The following EMILIN2 variants were observed in gnomAD, a reference collection of about 807,000 sequenced individuals.
EMILIN2 encodes the protein elastin microfibril interfacer 2, also known as EMILIN-2.
In EMILIN2, 71 loss-of-function variants were observed where a neutral mutation model predicts 87.1. The observed-to-expected ratio is 0.82, with a 90% CI of 0.67 to 0.99. The LOEUF is 0.99. Ranked by LOEUF, EMILIN2 falls within the 50% of genes least tolerant of loss-of-function variation. EMILIN2 has a pLI of 0.00. For synonymous variants in EMILIN2, 581 were observed against 563.4 expected (o/e 1.03, Z -0.44); for missense variants, 1,407 against 1,371.8 (o/e 1.03, Z -0.40).
chr18:2,908,303 C>G (rs1431876204), intron 5 of EMILIN2, among the ~76,000 whole-genome samples: 1 of 152,202 alleles, frequency 6.6e-6, no homozygotes, highest in Non-Finnish European at 1.5e-5. Context: ...TCCAGCCACC[C>G]ACCCACACAT....
chr18:2,877,718 C>T (rs1349131015), intron 2 of EMILIN2, among the ~76,000 whole-genome samples: 1 of 149,908 alleles, frequency 6.7e-6, no homozygotes, highest in African/African-American at 2.5e-5. Flanking sequence ...GTGGAGGTTG[C>T]AGTGAGCTGA....
intron 2 of EMILIN2, among the ~76,000 whole-genome samples, chr18:2,879,737 C>G (rs1020826805): frequency 6.7e-6 from 1 of 148,636 alleles, no homozygotes; most frequent in East Asian, 2.1e-4. Context: ...GAGGTATGGT[C>G]TCTGTCGCCC....
chr18:2,889,223 C>T lies in EMILIN2; in HGVS notation c.434-1338C>T, dbSNP rs141825719. On this transcript the variant is annotated intron_variant, in intron 3 of 7. Coordinates refer to ENST00000254528, the MANE Select transcript of EMILIN2 (RefSeq NM_032048.3). ...CACTATGTCGGCTCACTGCAACCTC[C>T]GCCTCCTGGGTTCAAGCGATTTTTC... Among the ~76,000 whole-genome samples the T allele has an allele frequency of 2.2e-4, 32 of 148,068 alleles. No homozygotes were observed. The Middle Eastern group carries it at 0.011, about 51-fold the overall frequency.
At chr18:2,896,385 A>G (rs1172956021) in intron 4 of EMILIN2, among the ~76,000 whole-genome samples, 1 of 152,112 alleles carries the variant, frequency 6.6e-6, no homozygotes, top group Non-Finnish European at 1.5e-5. Context: ...CATGTTAGTC[A>G]GGCTGGTCTC....
intron 2 of EMILIN2, among the ~76,000 whole-genome samples, chr18:2,860,160 G>T (rs1247581383): frequency 1.3e-5 from 2 of 152,118 alleles, no homozygotes; most frequent in African/African-American, 4.8e-5. Context: ...GCTCTTGACA[G>T]TATGGTCATT....
chr18:2,910,114 G>C (rs912825036), intron 7 of EMILIN2, among the ~76,000 whole-genome samples: 3 of 150,716 alleles, frequency 2.0e-5, no homozygotes, highest in African/African-American at 7.3e-5. Context: ...TTTTACAGCA[G>C]TTATGAGGGC....
intron 2 of EMILIN2, among the ~76,000 whole-genome samples, chr18:2,854,929 T>C (rs1427795213): frequency 6.6e-6 from 1 of 152,234 alleles, no homozygotes; most frequent in Non-Finnish European, 1.5e-5. Context: ...AAAAAGTACC[T>C]TTTGTGTATA....
intron 4 of EMILIN2, among the ~76,000 whole-genome samples, chr18:2,896,228 T>G (rs1040431180): frequency 6.6e-6 from 1 of 152,088 alleles, no homozygotes; most frequent in Admixed American, 6.5e-5. Context: ...GGGGCTGGAG[T>G]GCAGTGGCGT....
chr18:2,861,714 AG>A (rs1452961770), intron 2 of EMILIN2, among the ~76,000 whole-genome samples: 1 of 152,122 alleles, frequency 6.6e-6, no homozygotes, highest in Non-Finnish European at 1.5e-5. Flanking sequence ...TTGGCGATGC[AG>A]GCTCTTTTTT....
rs1382584864 is a variant in EMILIN2, at chr18:2,914,052, A to C, written c.*648A>C. 6.6e-6 allele frequency: 1 copy of C among 150,554 alleles called. No homozygotes were observed. The highest frequency in any genetic ancestry group is 1.5e-5 in the Non-Finnish European group (1 of 67,690). 9.3% of individuals were successfully genotyped at this position (150,554 alleles called of 1,614,324 possible). A position where few individuals can be genotyped will look rare whatever the true frequency, so the allele number is the denominator to read the frequency against. ...AAGTGCAAAGACAGGGAGTGTCAAT[A>C]AAGATGGAAAGCCATTTCCAGTTAA... On this transcript the variant is annotated 3_prime_UTR_variant, in exon 8 of 8. Coordinates refer to ENST00000254528, the MANE Select transcript of EMILIN2 (RefSeq NM_032048.3).
At chr18:2,857,867 G>A (rs1474390064) in intron 2 of EMILIN2, among the ~76,000 whole-genome samples, 1 of 152,146 alleles carries the variant, frequency 6.6e-6, no homozygotes, top group Non-Finnish European at 1.5e-5. Context: ...GCAAGGTCAG[G>A]GCCCCCACTC....
In EMILIN2 at chr18:2,890,237, A is replaced by C. The variant is rs1234364636; in HGVS notation, c.434-324A>C. 6.6e-6 allele frequency among the ~76,000 whole-genome samples: 1 copy of C among 152,212 alleles called. No homozygotes were observed. Among genetic ancestry groups the C allele is most frequent in the African/African-American group, 2.4e-5 (1 of 41,446 alleles). ...CCCCTCAGGGTGAAAGAGACCATTG[A>C]TTATCTAATAGGTGTCATGTACATA... On this transcript the variant is annotated intron_variant, in intron 3 of 7. Transcript: ENST00000254528. The surrounding 1 kb of genome is among the most constrained non-coding windows in gnomAD (Gnocchi z 4.7).
At chr18:2,881,019 G>T (rs970645539) in intron 2 of EMILIN2, among the ~76,000 whole-genome samples, 7 of 152,200 alleles carry the variant, frequency 4.6e-5, no homozygotes, top group African/African-American at 1.7e-4. Context: ...ATCCTCCTTT[G>T]TTGCTCCCCA....
intron 5 of EMILIN2, 109 bp downstream of exon 5, chr18:2,907,194 G>A (rs1286869578): frequency 8.8e-7 from 1 of 1,138,980 alleles, no homozygotes; most frequent in Non-Finnish European, 1.1e-6. Flanking sequence ...CCTTCGGGGG[G>A]GCAAGTTCCG....
intron 2 of EMILIN2, among the ~76,000 whole-genome samples, chr18:2,874,198 T>G (rs939466650): frequency 5.3e-5 from 8 of 152,116 alleles, no homozygotes; most frequent in African/African-American, 1.2e-4. Flanking sequence ...TATAATAGTA[T>G]GTATTAGTAG....
In EMILIN2 at chr18:2,890,642, C is replaced by G; in HGVS notation, c.515C>G (p.Pro172Arg). 6.2e-7 allele frequency: 1 copy of G among 1,613,558 alleles called. No individual in the cohort carries two copies. Among genetic ancestry groups the G allele is most frequent in the East Asian group, 2.2e-5 (1 of 44,800 alleles). ...GCACAACCAAGCTGGGGGGTAGATCCAAAAGAGGGGCCTCAGGAACTTCAG... is the reference window on the plus strand; with the variant it reads ...GCACAACCAAGCTGGGGGGTAGATCGAAAAGAGGGGCCTCAGGAACTTCAG... ...GTAQPSWGVD[P>R]KEGPQELQEK... The change falls in exon 4 of 8, where the codon CCA (proline) becomes CGA (arginine). Residue 172 changes from proline (P) to arginine (R), a missense_variant. Pro to Arg is a moderately radical substitution (Grantham distance 103, BLOSUM62 -2). Transcript: ENST00000254528. The surrounding 1 kb of genome is among the most constrained non-coding windows in gnomAD (Gnocchi z 4.7).
At chr18:2,909,408 ACG>A (rs549092648) in intron 6 of EMILIN2, among the ~76,000 whole-genome samples, 178 of 152,262 alleles carry the variant, frequency 1.2e-3, no homozygotes, top group African/African-American at 3.7e-3. Flanking sequence ...ACACACTCAC[ACG>A]CACATACACA....
intron 6 of EMILIN2, 56 bp downstream of exon 6, chr18:2,909,031 C>T: frequency 6.3e-7 from 1 of 1,596,816 alleles, no homozygotes; most frequent in Admixed American, 1.7e-5. Context: ...TGGCCTCTGC[C>T]CCTCCTCTGC....
intron 4 of EMILIN2, among the ~76,000 whole-genome samples, chr18:2,899,327 G>T (rs576215363): frequency 6.6e-6 from 1 of 152,106 alleles, no homozygotes; most frequent in South Asian, 2.1e-4. Flanking sequence ...CTGACACTGC[G>T]CCACCAATAG....
Sources: allele counts gnomAD v4.1 joint callset (sites outside exome capture counted in the v4.1 genomes callset), GRCh38; gene constraint gnomAD v4.1.1; non-coding constraint Gnocchi (gnomAD v3.1); transcripts MANE v1.5; gene names NCBI Gene and HGNC (gene_info 2026-07-23, HGNC 2026-07-21).